Variants in RGS7 observed in about 807,000 individuals in gnomAD.
RGS7 encodes the protein regulator of G protein signaling 7, also known as regulator of G-protein signaling 7.
A neutral mutation model predicts 81.1 loss-of-function variants in RGS7; 27 were observed. That is an observed-to-expected ratio of 0.33 (90% CI 0.25 to 0.46). The LOEUF is 0.46. RGS7 is among the 20% of genes least tolerant of loss of function. The pLI, the probability that RGS7 is intolerant of heterozygous loss-of-function variation, is 1.00. For missense variants in RGS7, 396 were observed against 607.4 expected (o/e 0.65, Z 3.66); for synonymous variants, 208 against 207.7 (o/e 1.00, Z -0.01).
rs1277530000 is a variant in RGS7, at chr1:241,144,226, A to C, written c.79-45464T>G. Among the ~76,000 whole-genome samples the C allele has an allele frequency of 6.6e-6, 1 of 152,150 alleles. No individual in the cohort carries two copies. Among genetic ancestry groups the C allele is most frequent in the Non-Finnish European group, 1.5e-5 (1 of 68,012 alleles). ...ACAGTGTCTCCTGTTAAAAAATTCA[A>C]ATCCTCATCCAAATTGACATACATG... On this transcript the variant is annotated intron_variant, in intron 2 of 18. Coordinates refer to ENST00000440928, the MANE Select transcript of RGS7 (RefSeq NM_001364886.1). The surrounding 1 kb of genome is among the most constrained non-coding windows in gnomAD (Gnocchi z 4.7).
At chr1:240,858,206 T>C (rs1290507062) in intron 9 of RGS7, among the ~76,000 whole-genome samples, 1 of 152,232 alleles carries the variant, frequency 6.6e-6, no homozygotes, top group Non-Finnish European at 1.5e-5. Context: ...CATAAACATT[T>C]GTAGGTTTTT....
At chr1:240,825,088 T>C (rs1056845892) in intron 10 of RGS7, among the ~76,000 whole-genome samples, 3 of 152,180 alleles carry the variant, frequency 2.0e-5, no homozygotes, top group African/African-American at 7.2e-5. Flanking sequence ...GCAGACTACA[T>C]GAAGCTTAAC....
intron 2 of RGS7, among the ~76,000 whole-genome samples, chr1:241,141,164 A>G (rs1300496162): frequency 6.6e-6 from 1 of 152,214 alleles, no homozygotes; most frequent in African/African-American, 2.4e-5. Context: ...GGAGTTATGA[A>G]TTGCTAACCG....
At chr1:241,116,087 A>G (rs2102975372) in intron 2 of RGS7, among the ~76,000 whole-genome samples, 1 of 152,226 alleles carries the variant, frequency 6.6e-6, no homozygotes, top group South Asian at 2.1e-4. Flanking sequence ...CTTCCTGTTA[A>G]GCCTGTGGAA....
chr1:241,203,103 A>C lies in RGS7; in HGVS notation c.79-104341T>G, dbSNP rs1015615058. 2.0e-5 allele frequency among the ~76,000 whole-genome samples: 3 copies of C among 152,300 alleles called. No individual in the cohort carries two copies. In the East Asian group the frequency reaches 5.8e-4, roughly 29 times the overall value. ...CACTTAGCATGTGATCTTGCTACCT[A>C]GAAAATTATTTTACCTGTGGTTTTT... On this transcript the variant is annotated intron_variant, in intron 2 of 18. Transcript: ENST00000440928.
At chr1:241,150,182 A>G (rs1388592702) in intron 2 of RGS7, among the ~76,000 whole-genome samples, 2 of 152,218 alleles carry the variant, frequency 1.3e-5, no homozygotes, top group African/African-American at 4.8e-5. Flanking sequence ...TATACAATGA[A>G]GAGAGATGAT....
At chr1:241,042,005 A>C (rs2060647054) in intron 3 of RGS7, among the ~76,000 whole-genome samples, 1 of 152,146 alleles carries the variant, frequency 6.6e-6, no homozygotes, top group Admixed American at 6.6e-5. Flanking sequence ...GACATCCTTG[A>C]CCAACCATAG....
At chr1:241,033,983 G>A (rs752459079) in intron 3 of RGS7, among the ~76,000 whole-genome samples, 2 of 152,108 alleles carry the variant, frequency 1.3e-5, no homozygotes, top group African/African-American at 2.4e-5. Context: ...ACAGTATACA[G>A]CATATCCCAC....
Position 241,163,740 on chromosome 1 carries a change from T to C in RGS7, c.79-64978A>G, listed in dbSNP as rs113644690. ...TAAGCTTCTGAACCCCACTGGGGAG[T>C]TGGGATAATCACTCTGCAGTTTTCC... On this transcript the variant is annotated intron_variant, in intron 2 of 18. Coordinates refer to ENST00000440928, the MANE Select transcript of RGS7 (RefSeq NM_001364886.1). This position sits in a 1 kb window ranked among gnomAD's most constrained non-coding sequence, Gnocchi z 4.6. Among the ~76,000 whole-genome samples, 48 of 152,152 alleles carry C rather than the reference T, an allele frequency of 3.2e-4. No homozygotes were observed. The highest frequency in any genetic ancestry group is 1.2e-3 in the African/African-American group (48 of 41,504).
intron 3 of RGS7, among the ~76,000 whole-genome samples, chr1:240,984,504 T>C (rs1291434475): frequency 1.3e-5 from 2 of 152,212 alleles, no homozygotes; most frequent in African/African-American, 4.8e-5. Flanking sequence ...AATAGAATGA[T>C]GAAAATAAGA....
chr1:241,298,703 C>T (rs1290165718), intron 2 of RGS7, among the ~76,000 whole-genome samples: 1 of 152,094 alleles, frequency 6.6e-6, no homozygotes, highest in Non-Finnish European at 1.5e-5. Context: ...ATGAATCCTC[C>T]CCAAATAAGT....
intron 15 of RGS7, among the ~76,000 whole-genome samples, chr1:240,803,658 TAGAC>T (rs1688355444): frequency 6.7e-6 from 1 of 149,620 alleles, no homozygotes; most frequent in East Asian, 2.0e-4. Flanking sequence ...TGAATTTTGA[TAGAC>T]AAGTCAAAAA....
intron 6 of RGS7, among the ~76,000 whole-genome samples, chr1:240,876,224 C>T (rs769474456): frequency 2.4e-4 from 37 of 152,226 alleles, no homozygotes; most frequent in Admixed American, 6.5e-4. Context: ...CCCAGGGGTG[C>T]GTGACTCTCA....
chr1:241,076,931 TC>T, intron 3 of RGS7, among the ~76,000 whole-genome samples: 1 of 152,198 alleles, frequency 6.6e-6, no homozygotes. Context: ...CCCCAAATCT[TC>T]AGTTGAGGAA....
At chr1:240,894,209 T>C (rs1668683344) in intron 6 of RGS7, among the ~76,000 whole-genome samples, 1 of 152,210 alleles carries the variant, frequency 6.6e-6, no homozygotes, top group Non-Finnish European at 1.5e-5. Context: ...AATCCTCCTT[T>C]ATAAAAGTAA....
chr1:241,271,031 C>A lies in RGS7; in HGVS notation c.78+84668G>T, dbSNP rs1013755879. On this transcript the variant is annotated intron_variant, in intron 2 of 18. Transcript: ENST00000440928. The surrounding 1 kb of genome is among the most constrained non-coding windows in gnomAD (Gnocchi z 4.6). ...CTCAGCCTCCCAAAGTGCTGGGATT[C>A]CAGGTCCCATCCCTTTTAATTTCTG... Among the ~76,000 whole-genome samples the A allele has an allele frequency of 6.6e-6, 1 of 152,128 alleles. No individual in the cohort carries two copies. The highest frequency in any genetic ancestry group is 2.4e-5 in the African/African-American group (1 of 41,434).
rs987783489 is a variant in RGS7, at chr1:240,944,871, G to A, written c.227-8165C>T. Among the ~76,000 whole-genome samples the A allele has an allele frequency of 8.5e-5, 13 of 152,154 alleles. No homozygotes were observed. In the East Asian group the frequency reaches 1.7e-3, roughly 20 times the overall value. ...TGGGACTACAGGCATGCGCCACCAC[G>A]CCCGGCTAATTTTTGTATTTTAGTA... On this transcript the variant is annotated intron_variant, in intron 4 of 18. Coordinates refer to ENST00000440928, the MANE Select transcript of RGS7 (RefSeq NM_001364886.1).
At chr1:241,291,822 C>T (rs983021972) in intron 2 of RGS7, among the ~76,000 whole-genome samples, 33 of 152,136 alleles carry the variant, frequency 2.2e-4, no homozygotes, top group African/African-American at 7.2e-4. Context: ...GTGATCCACC[C>T]GCCTCAGCCT....
intron 9 of RGS7, among the ~76,000 whole-genome samples, chr1:240,851,720 A>G (rs1351488829): frequency 1.3e-5 from 2 of 152,134 alleles, no homozygotes; most frequent in Admixed American, 1.3e-4. Flanking sequence ...CATTAACAGG[A>G]GTTTGGAAGA....
Sources: allele counts gnomAD v4.1 joint callset (sites outside exome capture counted in the v4.1 genomes callset), GRCh38; gene constraint gnomAD v4.1.1; non-coding constraint Gnocchi (gnomAD v3.1); transcripts MANE v1.5; gene names NCBI Gene and HGNC (gene_info 2026-07-23, HGNC 2026-07-21).